The following SNTG1 variants were observed in gnomAD, a reference collection of about 807,000 sequenced individuals.
SNTG1 encodes the protein syntrophin gamma 1, also known as gamma-1-syntrophin.
SNTG1 carries 39 observed loss-of-function variants against 74.7 expected under a neutral mutation model. That is an observed-to-expected ratio of 0.52 (90% CI 0.40 to 0.68). The LOEUF (loss-of-function observed/expected upper bound fraction) is 0.68. SNTG1 is among the 30% of genes least tolerant of loss of function. SNTG1 has a pLI of 0.00. For synonymous variants in SNTG1, 254 were observed against 217.1 expected, an observed-to-expected ratio of 1.17 and a Z score of -1.49; for missense variants, 685 against 609.5, an observed-to-expected ratio of 1.12 and a Z score of -1.30.
intron 15 of SNTG1, among the ~76,000 whole-genome samples, chr8:50,688,079 C>T (rs1389548470): frequency 6.6e-6 from 1 of 152,154 alleles, no homozygotes; most frequent in Non-Finnish European, 1.5e-5. Flanking sequence ...TGTCCATATC[C>T]TTCACCCACT....
rs184864155 is a variant in SNTG1 at position 50,433,938 on chromosome 8, G to T, written c.163-4605G>T. On this transcript the variant is annotated intron_variant, in intron 4 of 18. Transcript: ENST00000642720. ...AAGTTCTAGGGTACATGTGCACAAC[G>T]TGCAGGTTTGTTACATATGTATACA... Among the ~76,000 whole-genome samples, 574 of 152,142 alleles carry T rather than the reference G, an allele frequency of 3.8e-3. 2 individuals carry two copies. Among genetic ancestry groups the T allele is most frequent in the Non-Finnish European group, 5.9e-3 (399 of 67,992 alleles).
intron 1 of SNTG1, among the ~76,000 whole-genome samples, chr8:49,933,299 G>A (rs1050790509): frequency 1.3e-5 from 2 of 152,064 alleles, no homozygotes; most frequent in African/African-American, 2.4e-5. Flanking sequence ...ATAGCCATCC[G>A]AGTGGATGTG....
chr8:50,174,748 A>G (rs1042666918), intron 2 of SNTG1, among the ~76,000 whole-genome samples: 8 of 152,140 alleles, frequency 5.3e-5, no homozygotes, highest in Admixed American at 2.6e-4. Flanking sequence ...TTTAGGGTAC[A>G]TGTGCACAAC....
intron 2 of SNTG1, among the ~76,000 whole-genome samples, chr8:50,265,993 T>TA (rs2087445649): frequency 6.6e-6 from 1 of 150,412 alleles, no homozygotes; most frequent in African/African-American, 2.4e-5. Context: ...AGAACACTGT[T>TA]AAAAAAGCTA....
intron 2 of SNTG1, among the ~76,000 whole-genome samples, chr8:50,327,133 TC>T (rs2090781234): frequency 6.6e-6 from 1 of 152,144 alleles, no homozygotes; most frequent in African/African-American, 2.4e-5. Context: ...TTTGTTAATG[TC>T]CCATGTGAGC....
chr8:50,292,066 G>T (rs1008665498), intron 2 of SNTG1, among the ~76,000 whole-genome samples: 10 of 152,062 alleles, frequency 6.6e-5, no homozygotes, highest in African/African-American at 2.4e-4. Context: ...GTAGTCAGTG[G>T]GTTTGAATCT....
At chr8:50,376,492 G>A (rs953707759) in intron 2 of SNTG1, among the ~76,000 whole-genome samples, 6 of 151,814 alleles carry the variant, frequency 4.0e-5, no homozygotes, top group South Asian at 2.1e-4. Context: ...TCATTGGATA[G>A]GAAAAGGGTA....
At chr8:50,291,849 A>G (rs1563853632) in intron 2 of SNTG1, among the ~76,000 whole-genome samples, 1 of 152,132 alleles carries the variant, frequency 6.6e-6, no homozygotes, top group Non-Finnish European at 1.5e-5. Context: ...AAGACAGAAA[A>G]GACCGGACAT....
chr8:50,284,335 C>A (rs1385770631), intron 2 of SNTG1, among the ~76,000 whole-genome samples: 1 of 151,942 alleles, frequency 6.6e-6, no homozygotes, highest in East Asian at 1.9e-4. Flanking sequence ...TTTCAGAGAG[C>A]AAGATCACAG....
intron 1 of SNTG1, among the ~76,000 whole-genome samples, chr8:49,981,040 G>C (rs1812632395): frequency 6.6e-6 from 1 of 152,136 alleles, no homozygotes. Flanking sequence ...GCTCTTTAGG[G>C]AGCTAAATAA....
At chr8:49,945,418 C>T (rs1451641218) in intron 1 of SNTG1, among the ~76,000 whole-genome samples, 1 of 152,118 alleles carries the variant, frequency 6.6e-6, no homozygotes, top group Non-Finnish European at 1.5e-5. Context: ...TAGGGCAGCT[C>T]CAAATAATTA....
chr8:50,533,281 A>G (rs577173440), intron 10 of SNTG1, among the ~76,000 whole-genome samples: 1 of 152,322 alleles, frequency 6.6e-6, no homozygotes, highest in South Asian at 2.1e-4. Context: ...TTTAATTAAT[A>G]CATCCTATGC....
chr8:50,438,419 A>T, intron 4 of SNTG1, 124 bp from the exon 5 acceptor site: 1 of 700,070 alleles, frequency 1.4e-6, no homozygotes, highest in Non-Finnish European at 2.5e-6. Context: ...CCAGCACAGA[A>T]GAGTTCTCTT....
intron 1 of SNTG1, among the ~76,000 whole-genome samples, chr8:50,037,168 G>T (rs1332209682): frequency 6.6e-6 from 1 of 152,190 alleles, no homozygotes; most frequent in Non-Finnish European, 1.5e-5. Flanking sequence ...AACATTGTAT[G>T]TATTTTCACA....
chr8:50,415,831 C>T (rs1459814571), intron 4 of SNTG1, among the ~76,000 whole-genome samples: 2 of 151,776 alleles, frequency 1.3e-5, no homozygotes, highest in African/African-American at 4.8e-5. Flanking sequence ...TTTAAATAAG[C>T]CTTTTAATTT....
intron 2 of SNTG1, among the ~76,000 whole-genome samples, chr8:50,298,381 G>A (rs1295845047): frequency 6.6e-6 from 1 of 152,104 alleles, no homozygotes; most frequent in Admixed American, 6.6e-5. Context: ...GATTCATGAT[G>A]TTTCCAAAGA....
chr8:50,064,603 G>A (rs539700546), intron 1 of SNTG1, among the ~76,000 whole-genome samples: 1 of 152,314 alleles, frequency 6.6e-6, no homozygotes, highest in East Asian at 1.9e-4. Context: ...ACTGTGGCCT[G>A]TGTGGTCATC....
intron 1 of SNTG1, among the ~76,000 whole-genome samples, chr8:49,984,620 G>A (rs893663367): frequency 6.6e-6 from 1 of 151,990 alleles, no homozygotes; most frequent in East Asian, 1.9e-4. Flanking sequence ...TACTTGTATT[G>A]TTTGTTGTAA....
At chr8:50,296,295 T>A (rs1212147143) in intron 2 of SNTG1, among the ~76,000 whole-genome samples, 1 of 152,214 alleles carries the variant, frequency 6.6e-6, no homozygotes, top group Non-Finnish European at 1.5e-5. Context: ...ATTATTCTAC[T>A]ATAAAGACAC....
Sources: allele counts gnomAD v4.1 joint callset (sites outside exome capture counted in the v4.1 genomes callset), GRCh38; gene constraint gnomAD v4.1.1; transcripts MANE v1.5; gene names NCBI Gene and HGNC (gene_info 2026-07-23, HGNC 2026-07-21).